The following MIB1 variants were observed in gnomAD, a reference collection of about 807,000 sequenced individuals.
MIB1 encodes the protein E3 ubiquitin-protein ligase MIB1.
In MIB1, 278 loss-of-function variants were observed where a neutral mutation model predicts 124.5. That is an observed-to-expected ratio of 2.23 (90% CI 2.02 to 2.47). MIB1 has a LOEUF of 2.47. Ranked by LOEUF, MIB1 falls within the 30% of genes most tolerant of loss-of-function variation. MIB1 has a pLI of 0.00. For synonymous variants in MIB1, 446 were observed against 429.4 expected (o/e 1.04, Z -0.48); for missense variants, 957 against 1,254.4 (o/e 0.76, Z 3.58).
upstream of MIB1, among the ~76,000 whole-genome samples, chr18:21,739,303 C>G (rs2040815328): frequency 6.6e-6 from 1 of 152,126 alleles, no homozygotes; most frequent in Non-Finnish European, 1.5e-5. Flanking sequence ...TAATAGCCTA[C>G]CAACCAAAAG....
At chr18:21,842,689 C>T (rs2042102279) in intron 13 of MIB1, among the ~76,000 whole-genome samples, 1 of 152,160 alleles carries the variant, frequency 6.6e-6, no homozygotes, top group African/African-American at 2.4e-5. Context: ...TGAGGAAGAG[C>T]TCAAATATGC....
intron 17 of MIB1, among the ~76,000 whole-genome samples, chr18:21,849,935 G>A (rs909775561): frequency 6.6e-6 from 1 of 152,140 alleles, no homozygotes; most frequent in African/African-American, 2.4e-5. Flanking sequence ...TAAGCTGGAA[G>A]TTAGATGTAA....
intron 20 of MIB1, among the ~76,000 whole-genome samples, chr18:21,859,599 TAGAA>T (rs2042256554): frequency 6.6e-6 from 1 of 151,948 alleles, no homozygotes; most frequent in Non-Finnish European, 1.5e-5. Flanking sequence ...GATACTTTAA[TAGAA>T]AGGGGCCGGG....
chr18:21,783,939 T>C (rs988324827), intron 6 of MIB1, among the ~76,000 whole-genome samples: 4 of 151,984 alleles, frequency 2.6e-5, no homozygotes, highest in Middle Eastern at 3.2e-3. Flanking sequence ...GATGGGGTCT[T>C]ACGATGTTGC....
At chr18:21,821,080 C>A (rs1438759242) in intron 12 of MIB1, among the ~76,000 whole-genome samples, 1 of 152,158 alleles carries the variant, frequency 6.6e-6, no homozygotes, top group African/African-American at 2.4e-5. Flanking sequence ...TCTACCAATC[C>A]TTCCAACCCA....
At chr18:21,754,222 C>T (rs2041006018) in intron 1 of MIB1, among the ~76,000 whole-genome samples, 1 of 152,196 alleles carries the variant, frequency 6.6e-6, no homozygotes, top group Non-Finnish European at 1.5e-5. Flanking sequence ...ATTTCCCTAT[C>T]AGTATTTGAT....
chr18:21,843,026 AGCCAGCAGTGTT>A, intron 13 of MIB1, 93 bp from the exon 14 acceptor site: 2 of 708,140 alleles, frequency 2.8e-6, no homozygotes, highest in Non-Finnish European at 4.5e-6. Context: ...AGGAGAAAGT[AGCCAGCAGTGTT>A]CGGTGTTATT....
intron 1 of MIB1, among the ~76,000 whole-genome samples, chr18:21,724,631 G>C (rs2040729258): frequency 6.8e-6 from 1 of 147,644 alleles, no homozygotes; most frequent in Non-Finnish European, 1.5e-5. Flanking sequence ...CTTGAACTGT[G>C]GGGGCGGAGG....
At chr18:21,833,765 G>A (rs1221581029) in intron 12 of MIB1, among the ~76,000 whole-genome samples, 1 of 152,132 alleles carries the variant, frequency 6.6e-6, no homozygotes, top group Non-Finnish European at 1.5e-5. Flanking sequence ...TTCAGCAAAC[G>A]TTTGAATACT....
At chr18:21,757,954 AC>A (rs1247257387) in intron 1 of MIB1, among the ~76,000 whole-genome samples, 2 of 152,128 alleles carry the variant, frequency 1.3e-5, no homozygotes, top group African/African-American at 4.8e-5. Flanking sequence ...ACCACAAAAA[AC>A]CGTGGTAGAG....
intron 6 of MIB1, among the ~76,000 whole-genome samples, chr18:21,786,340 G>T (rs1344824198): frequency 6.6e-6 from 1 of 152,080 alleles, no homozygotes; most frequent in Non-Finnish European, 1.5e-5. Context: ...CTTGTGATCC[G>T]CCCGCCTCGG....
chr18:21,815,906 G>A (rs1021844172), intron 11 of MIB1, 93 bp downstream of exon 11: 16 of 1,082,884 alleles, frequency 1.5e-5, no homozygotes, highest in African/African-American at 9.5e-5. Context: ...CTTTGTTACC[G>A]TTCTCATATG....
intron 1 of MIB1, chr18:21,724,009 C>A (rs959959807): frequency 2.6e-5 from 4 of 152,060 alleles, no homozygotes; most frequent in African/African-American, 9.7e-5. Context: ...CAGCCCAGAG[C>A]ATAACTCTTT....
At chr18:21,746,251 T>C (rs142348247) in intron 1 of MIB1, among the ~76,000 whole-genome samples, 2 of 152,356 alleles carry the variant, frequency 1.3e-5, no homozygotes, top group East Asian at 3.9e-4. Context: ...TCATTGTGAA[T>C]CTTTCTGATA....
chr18:21,707,595 A>G (rs1340912848), intron 1 of MIB1, among the ~76,000 whole-genome samples: 2 of 152,086 alleles, frequency 1.3e-5, no homozygotes, highest in Non-Finnish European at 2.9e-5. Flanking sequence ...GAGACCACGA[A>G]CCCACCAGAA....
chr18:21,802,371 T>C (rs903006280), intron 9 of MIB1, among the ~76,000 whole-genome samples: 4 of 152,136 alleles, frequency 2.6e-5, no homozygotes, highest in East Asian at 1.9e-4. Flanking sequence ...GAATTTTCTT[T>C]TTTTTTCCTG....
Position 21,853,142 on chromosome 18 carries a change from T to G in MIB1, c.2589T>G (p.Ile863Met). 1 of 1,610,428 alleles carries G rather than the reference T, an allele frequency of 6.2e-7. No individual in the cohort carries two copies. The highest frequency in any genetic ancestry group is 8.5e-7 in the Non-Finnish European group (1 of 1,176,832). Reference protein sequence around the residue: ...CKEQVQSRTKIEECVVCSDKK... With the variant: ...CKEQVQSRTKMEECVVCSDKK... ...TGCTGTAACCTCTTTTTCTATAGATTGAAGAATGTGTGGTATGCTCTGACA... is the reference window on the plus strand; with the variant it reads ...TGCTGTAACCTCTTTTTCTATAGATGGAAGAATGTGTGGTATGCTCTGACA... Residue 863 changes from isoleucine to methionine, a missense_variant and splice_region_variant, in exon 18 of 21, where the codon ATT (isoleucine) becomes ATG (methionine). By Grantham distance (10) the Ile-to-Met change is conservative. Coordinates refer to ENST00000261537, the MANE Select transcript of MIB1 (RefSeq NM_020774.4).
At position 21,833,525 on chromosome 18, in the gene MIB1, A is replaced by C. The variant is rs544424269; in HGVS notation, c.1830-4840A>C. Among the ~76,000 whole-genome samples, 10 of 152,328 alleles carry C rather than the reference A, an allele frequency of 6.6e-5. No individual in the cohort carries two copies. In the South Asian group the frequency reaches 2.1e-3, roughly 32 times the overall value. On this transcript the variant is annotated intron_variant, in intron 12 of 20. Transcript: ENST00000261537. ...TTAATTTACCAAGCATTTATTGAAC[A>C]CCTAATATGTGCTACAGTGCTATTC... is the stretch of plus-strand genomic sequence containing the variant.
At chr18:21,755,451 C>T (rs2041021027) in intron 1 of MIB1, among the ~76,000 whole-genome samples, 1 of 152,026 alleles carries the variant, frequency 6.6e-6, no homozygotes, top group Non-Finnish European at 1.5e-5. Context: ...CCTGCCTCAG[C>T]CTCCTGAGTA....
Sources: allele counts gnomAD v4.1 joint callset (sites outside exome capture counted in the v4.1 genomes callset), GRCh38; gene constraint gnomAD v4.1.1; transcripts MANE v1.5; gene names NCBI Gene and HGNC (gene_info 2026-07-23, HGNC 2026-07-21).